The following HSF5 variants were observed in gnomAD, a reference collection of about 807,000 sequenced individuals.
HSF5 encodes the protein heat shock factor protein 5.
In HSF5, 5 loss-of-function variants were observed where a neutral mutation model predicts 50.8. The observed-to-expected ratio is 0.10, with a 90% CI of 0.05 to 0.21. The LOEUF is 0.21. Among genes scored for constraint, HSF5 ranks in the 10% least tolerant of loss-of-function variants. The probability of loss-of-function intolerance (pLI) is 1.00; values close to 1 mark genes in which losing one functional copy is unlikely to be tolerated. For synonymous variants in HSF5, 307 were observed against 307.4 expected, an observed-to-expected ratio of 1.00 and a Z score of 0.02; for missense variants, 564 against 762.6, an observed-to-expected ratio of 0.74 and a Z score of 3.07.
chr17:58,433,067 G>A (rs1303009588), intron 5 of HSF5, among the ~76,000 whole-genome samples: 2 of 152,174 alleles, frequency 1.3e-5, no homozygotes. Context: ...AGGCTGGAGT[G>A]CAGTGGCACA....
chr17:58,468,542 C>T (rs887534399), intron 2 of HSF5, among the ~76,000 whole-genome samples: 1 of 152,086 alleles, frequency 6.6e-6, no homozygotes, highest in Admixed American at 6.6e-5. Flanking sequence ...GCAACTCTCC[C>T]TTTTTATGTC....
intron 5 of HSF5, among the ~76,000 whole-genome samples, chr17:58,432,992 G>C (rs1027972307): frequency 6.7e-6 from 1 of 148,232 alleles, no homozygotes; most frequent in African/African-American, 2.5e-5. Flanking sequence ...CAGATGACTA[G>C]AAGTACCATT....
At chr17:58,485,295 G>T (rs1726388988) in intron 1 of HSF5, among the ~76,000 whole-genome samples, 1 of 152,028 alleles carries the variant, frequency 6.6e-6, no homozygotes, top group African/African-American at 2.4e-5. Flanking sequence ...TGCTGAAAAT[G>T]TTTTTATTTA....
chr17:58,463,694 G>C (rs1974825889), intron 3 of HSF5, among the ~76,000 whole-genome samples: 1 of 152,184 alleles, frequency 6.6e-6, no homozygotes, highest in Non-Finnish European at 1.5e-5. Flanking sequence ...AATGCAGTAA[G>C]GAAATTTCAA....
chr17:58,476,309 G>A, intron 2 of HSF5: 1 of 1,074,370 alleles, frequency 9.3e-7, no homozygotes. Flanking sequence ...AATGGGTTTG[G>A]CCAAATACCA....
chr17:58,434,549 C>CAA (rs562860108), intron 5 of HSF5, among the ~76,000 whole-genome samples: 17 of 123,264 alleles, frequency 1.4e-4, no homozygotes, highest in African/African-American at 4.2e-4. Context: ...GACTCCATCT[C>CAA]AAAAAAAAAA....
intron 1 of HSF5, among the ~76,000 whole-genome samples, chr17:58,485,407 T>C (rs1404462009): frequency 6.6e-6 from 1 of 152,066 alleles, no homozygotes; most frequent in African/African-American, 2.4e-5. Context: ...AAATGGAATA[T>C]TGCCACCCTT....
chr17:58,485,400 T>A (rs1975155894), intron 1 of HSF5, among the ~76,000 whole-genome samples: 1 of 152,022 alleles, frequency 6.6e-6, no homozygotes, highest in Non-Finnish European at 1.5e-5. Context: ...AACAGAGAAA[T>A]GGAATATTGC....
At chr17:58,426,145 G>C (rs1484077186) in intron 5 of HSF5, among the ~76,000 whole-genome samples, 1 of 152,118 alleles carries the variant, frequency 6.6e-6, no homozygotes, top group Non-Finnish European at 1.5e-5. Flanking sequence ...TAAGGACAAA[G>C]GAAATGACTG....
intron 5 of HSF5, among the ~76,000 whole-genome samples, chr17:58,457,562 C>T (rs1191770070): frequency 1.3e-5 from 2 of 152,092 alleles, no homozygotes; most frequent in Non-Finnish European, 2.9e-5. Context: ...TGCGCCACTG[C>T]ATTCTAGCCC....
In HSF5 at chr17:58,420,198, G is replaced by A. The variant is rs1483430227; in HGVS notation, c.*2162C>T. On this transcript the variant is annotated 3_prime_UTR_variant, in exon 6 of 6. Transcript: ENST00000323777. ...TGGAACACTCACTTTATTGTTGACTGATTGAAATTTATCAGTGCTTAAGGT... is the reference window on the plus strand; with the variant it reads ...TGGAACACTCACTTTATTGTTGACTAATTGAAATTTATCAGTGCTTAAGGT... 1.3e-5 allele frequency: 2 copies of A among 152,222 alleles called. No homozygotes were observed. Among genetic ancestry groups the A allele is most frequent in the Non-Finnish European group, 2.9e-5 (2 of 68,030 alleles). 9.4% of individuals were successfully genotyped at this position (152,222 alleles called of 1,614,324 possible). A position where few individuals can be genotyped will look rare whatever the true frequency, so the allele number is the denominator to read the frequency against.
chr17:58,445,185 T>G (rs1186729093), intron 5 of HSF5, among the ~76,000 whole-genome samples: 2 of 152,190 alleles, frequency 1.3e-5, no homozygotes, highest in South Asian at 4.1e-4. Context: ...ATAGCAGCTA[T>G]GAAAAACAGT....
chr17:58,422,329 A>C lies in HSF5; in HGVS notation c.*31T>G. ...GGCTAGTCTGCCTCCAGCTACAGCT[A>C]GTGCACAATGTCACATTTGTCATCC... is the stretch of plus-strand genomic sequence containing the variant. On this transcript the variant is annotated 3_prime_UTR_variant, in exon 6 of 6. Coordinates refer to ENST00000323777, the MANE Select transcript of HSF5 (RefSeq NM_001080439.3). 4.7e-6 allele frequency: 7 copies of C among 1,504,020 alleles called. No individual in the cohort carries two copies. The highest frequency in any genetic ancestry group is 1.4e-5 in the African/African-American group (1 of 73,010). 93.2% of individuals were successfully genotyped at this position (1,504,020 alleles called of 1,614,324 possible). A position where few individuals can be genotyped will look rare whatever the true frequency, so the allele number is the denominator to read the frequency against.
intron 1 of HSF5, among the ~76,000 whole-genome samples, chr17:58,483,302 T>G (rs1380461882): frequency 2.0e-5 from 3 of 152,232 alleles, no homozygotes; most frequent in African/African-American, 7.2e-5. Context: ...CTATTTTAGA[T>G]GCAGTTAAAA....
intron 5 of HSF5, among the ~76,000 whole-genome samples, chr17:58,457,250 A>C (rs1044920484): frequency 2.9e-4 from 44 of 150,896 alleles, no homozygotes; most frequent in Admixed American, 1.3e-4. Flanking sequence ...ACAGAGCAAG[A>C]CTCTGTCTCA....
chr17:58,448,935 TA>T (rs774414645), intron 5 of HSF5, among the ~76,000 whole-genome samples: 6 of 152,088 alleles, frequency 3.9e-5, no homozygotes, highest in Non-Finnish European at 8.8e-5. Context: ...AGATAGGCAA[TA>T]TAAAAAGATG....
At chr17:58,466,733 CTTTTT>C in intron 3 of HSF5, 147 bp downstream of exon 3, 1 of 492,464 alleles carries the variant, frequency 2.0e-6, no homozygotes, top group Non-Finnish European at 3.7e-6. Flanking sequence ...TCAATTCTCT[CTTTTT>C]TTTTTTAAGA....
At chr17:58,458,555 A>G (rs932076174) in intron 5 of HSF5, among the ~76,000 whole-genome samples, 2 of 152,206 alleles carry the variant, frequency 1.3e-5, no homozygotes, top group Non-Finnish European at 2.9e-5. Context: ...AGCCCAAATC[A>G]TTATATGCAA....
chr17:58,465,177 C>CT (rs1974846303), intron 3 of HSF5, among the ~76,000 whole-genome samples: 1 of 74,990 alleles, frequency 1.3e-5, no homozygotes, highest in Non-Finnish European at 2.7e-5. Context: ...TCCTTTATTT[C>CT]TTTTCTTTTT....
Sources: gnomAD v4.1 joint callset for allele counts (sites outside exome capture counted in the v4.1 genomes callset) on GRCh38, gnomAD v4.1.1 for gene constraint, MANE v1.5 for transcripts, NCBI Gene and HGNC (gene_info 2026-07-23, HGNC 2026-07-21) for gene names.